Variants in CCDC85A observed in about 807,000 individuals in gnomAD.
The protein encoded by CCDC85A is coiled-coil domain-containing protein 85A.
Under a neutral mutation model 50.2 loss-of-function variants are expected in CCDC85A, and 38 were observed. The observed-to-expected ratio is 0.76, with a 90% CI of 0.58 to 0.99. CCDC85A has a LOEUF of 0.99. Ranked by LOEUF, CCDC85A falls within the 50% of genes least tolerant of loss-of-function variation. The pLI, the probability that CCDC85A is intolerant of heterozygous loss-of-function variation, is 0.00. For synonymous variants in CCDC85A, 366 were observed against 301.4 expected (o/e 1.21, Z -2.22); for missense variants, 820 against 742.0 (o/e 1.11, Z -1.22).
At chr2:56,230,149 G>A (rs961735591) in intron 2 of CCDC85A, among the ~76,000 whole-genome samples, 1 of 152,152 alleles carries the variant, frequency 6.6e-6, no homozygotes, top group African/African-American at 2.4e-5. Context: ...TGTATCTCAT[G>A]TTTTACTTGC....
At position 56,209,856 on chromosome 2, in the gene CCDC85A, G is replaced by A. The variant is rs567404967; in HGVS notation, c.1240+16416G>A. Among the ~76,000 whole-genome samples, 14 of 152,036 alleles carry A rather than the reference G, an allele frequency of 9.2e-5. No individual in the cohort carries two copies. In the East Asian group the frequency reaches 2.7e-3, roughly 29 times the overall value. On this transcript the variant is annotated intron_variant, in intron 2 of 5. Coordinates refer to ENST00000407595, the MANE Select transcript of CCDC85A (RefSeq NM_001080433.2). ...CAACAGTGGAATTCCTGCTTTATAG[G>A]TCATAGATTCCAGGCATGCCACTTG...
chr2:56,304,337 G>C (rs548080430), intron 2 of CCDC85A, among the ~76,000 whole-genome samples: 21 of 152,250 alleles, frequency 1.4e-4, no homozygotes, highest in African/African-American at 4.8e-4. Context: ...ACTGAAAAAT[G>C]GCACTGAAAA....
At chr2:56,289,335 C>A (rs150458332) in intron 2 of CCDC85A, among the ~76,000 whole-genome samples, 1 of 152,228 alleles carries the variant, frequency 6.6e-6, no homozygotes, top group African/African-American at 2.4e-5. Flanking sequence ...GAAAATAGAT[C>A]ATCCAACATA....
intron 2 of CCDC85A, among the ~76,000 whole-genome samples, chr2:56,304,380 T>C (rs1455482941): frequency 6.6e-6 from 1 of 152,214 alleles, no homozygotes; most frequent in Non-Finnish European, 1.5e-5. Context: ...ATCTGAGGAA[T>C]ATGATATGCA....
At chr2:56,332,251 C>G (rs1333689842) in intron 2 of CCDC85A, among the ~76,000 whole-genome samples, 1 of 152,144 alleles carries the variant, frequency 6.6e-6, no homozygotes, top group African/African-American at 2.4e-5. Context: ...AATTCTGTGT[C>G]TCCCTCTCTT....
At chr2:56,184,972 G>A in intron 1 of CCDC85A, 72 bp downstream of exon 1, 2 of 1,424,088 alleles carry the variant, frequency 1.4e-6, no homozygotes, top group East Asian at 2.8e-5. Flanking sequence ...GCGGGGCCAG[G>A]CAAACTTTCC....
intron 2 of CCDC85A, among the ~76,000 whole-genome samples, chr2:56,257,976 T>C (rs74440738): frequency 0.089 from 13,483 of 152,314 alleles, 803 homozygotes; most frequent in Non-Finnish European, 0.12. Flanking sequence ...AGGGCTGTTC[T>C]TTAATCAGCT....
intron 4 of CCDC85A, 111 bp from the exon 5 acceptor site, chr2:56,375,705 A>G (rs372437625): frequency 5.0e-5 from 58 of 1,164,556 alleles, no homozygotes; most frequent in African/African-American, 4.2e-4. Flanking sequence ...GTTAGGAAAA[A>G]GTAACAAAAT....
intron 2 of CCDC85A, among the ~76,000 whole-genome samples, chr2:56,263,893 T>G (rs944226632): frequency 6.6e-6 from 1 of 152,198 alleles, no homozygotes; most frequent in Non-Finnish European, 1.5e-5. Context: ...TCTTCCTTCA[T>G]TCCCTAGGTC....
At chr2:56,326,607 C>T (rs376972556) in intron 2 of CCDC85A, among the ~76,000 whole-genome samples, 1 of 151,984 alleles carries the variant, frequency 6.6e-6, no homozygotes, top group Admixed American at 6.6e-5. Context: ...TTAGGTTGCC[C>T]TGTGTTGGCT....
intron 3 of CCDC85A, among the ~76,000 whole-genome samples, chr2:56,369,793 T>G (rs1675984293): frequency 6.6e-6 from 1 of 152,124 alleles, no homozygotes; most frequent in African/African-American, 2.4e-5. Context: ...TACTTGATTT[T>G]CACTCTTCTT....
intron 2 of CCDC85A, among the ~76,000 whole-genome samples, chr2:56,243,951 C>T (rs1457510985): frequency 1.3e-5 from 2 of 152,194 alleles, no homozygotes; most frequent in Non-Finnish European, 1.5e-5. Flanking sequence ...GATTACCAGG[C>T]AAGATCTTTG....
At chr2:56,372,218 C>A in intron 3 of CCDC85A, 126 bp from the exon 4 acceptor site, 2 of 839,588 alleles carry the variant, frequency 2.4e-6, no homozygotes, top group Non-Finnish European at 3.4e-6. Flanking sequence ...GCTACAGGTG[C>A]ATGTTACAGC....
intron 3 of CCDC85A, among the ~76,000 whole-genome samples, chr2:56,343,516 G>A (rs1674479285): frequency 6.6e-6 from 1 of 152,124 alleles, no homozygotes; most frequent in African/African-American, 2.4e-5. Context: ...CTTTTTCCAG[G>A]ATGTTTAATG....
intron 2 of CCDC85A, among the ~76,000 whole-genome samples, chr2:56,259,154 A>G (rs750217548): frequency 1.3e-5 from 2 of 152,174 alleles, no homozygotes; most frequent in Non-Finnish European, 2.9e-5. Flanking sequence ...TAAGGATGGA[A>G]AGAGCAAGGA....
chr2:56,301,954 A>C (rs1055788268), intron 2 of CCDC85A, among the ~76,000 whole-genome samples: 1 of 152,142 alleles, frequency 6.6e-6, no homozygotes, highest in Non-Finnish European at 1.5e-5. Context: ...CTTAAAGTGT[A>C]ATTAAAAAAA....
chr2:56,210,026 G>T (rs1222009478), intron 2 of CCDC85A, among the ~76,000 whole-genome samples: 1 of 152,064 alleles, frequency 6.6e-6, no homozygotes, highest in African/African-American at 2.4e-5. Context: ...AGATATCTCA[G>T]TCCTCACTAG....
intron 2 of CCDC85A, among the ~76,000 whole-genome samples, chr2:56,315,958 A>G (rs1171746853): frequency 6.6e-6 from 1 of 152,054 alleles, no homozygotes; most frequent in Non-Finnish European, 1.5e-5. Context: ...ACTAATCCCA[A>G]CTTCCCTCCT....
chr2:56,270,584 G>A (rs1243272489), intron 2 of CCDC85A, among the ~76,000 whole-genome samples: 1 of 152,192 alleles, frequency 6.6e-6, no homozygotes, highest in East Asian at 1.9e-4. Context: ...AGAACTGGTG[G>A]ACCTAGAGGA....
Sources: allele counts gnomAD v4.1 joint callset (sites outside exome capture counted in the v4.1 genomes callset), GRCh38; gene constraint gnomAD v4.1.1; transcripts MANE v1.5; gene names NCBI Gene and HGNC (gene_info 2026-07-23, HGNC 2026-07-21).